Variants in TP63 observed in about 807,000 individuals in gnomAD.
TP63 encodes tumor protein 63.
A neutral mutation model predicts 82.8 loss-of-function variants in TP63; 17 were observed. That is an observed-to-expected ratio of 0.21 (90% CI 0.14 to 0.31). TP63 has a LOEUF of 0.31. Among genes scored for constraint, TP63 ranks in the 10% least tolerant of loss-of-function variants. The pLI, the probability that TP63 is intolerant of heterozygous loss-of-function variation, is 1.00. For synonymous variants in TP63, 330 were observed against 321.7 expected (o/e 1.03, Z -0.28); for missense variants, 648 against 895.3 (o/e 0.72, Z 3.52).
At chr3:189,834,164 C>T (rs1208083086) in intron 4 of TP63, among the ~76,000 whole-genome samples, 2 of 152,110 alleles carry the variant, frequency 1.3e-5, no homozygotes, top group Non-Finnish European at 2.9e-5. Flanking sequence ...CTTGTCTTTG[C>T]CCATGGCCTG....
At position 189,868,158 on chromosome 3, in the gene TP63, T is replaced by C. The variant is rs139128127; in HGVS notation, c.992+216T>C. On this transcript the variant is annotated intron_variant, in intron 7 of 13. Coordinates refer to ENST00000264731, the MANE Select transcript of TP63 (RefSeq NM_003722.5). ...AGAAGGAAAAAAAGAGCTAGAAAAG[T>C]GTGCAAGTCACTTCATACCTGAATT... 4.6e-5 allele frequency among the ~76,000 whole-genome samples: 7 copies of C among 152,332 alleles called. No homozygotes were observed. The East Asian group carries it at 1.4e-3, about 29-fold the overall frequency.
chr3:189,653,852 TA>T (rs1577181815), intron 1 of TP63, among the ~76,000 whole-genome samples: 1 of 152,294 alleles, frequency 6.6e-6, no homozygotes, highest in East Asian at 1.9e-4. Flanking sequence ...TTTATATGTT[TA>T]AGGGATTAAA....
chr3:189,692,863 A>G (rs1290844774), intron 1 of TP63, among the ~76,000 whole-genome samples: 1 of 152,194 alleles, frequency 6.6e-6, no homozygotes, highest in Non-Finnish European at 1.5e-5. Context: ...AGGCAGATCT[A>G]GCATGGATTA....
At chr3:189,869,003 C>T (rs7612620) in intron 8 of TP63, among the ~76,000 whole-genome samples, 1 of 146,486 alleles carries the variant, frequency 6.8e-6, no homozygotes, top group African/African-American at 2.4e-5. Flanking sequence ...AGACACACAC[C>T]AGCAAGATAC....
At chr3:189,864,544 T>A in intron 5 of TP63, 126 bp downstream of exon 5, 1 of 231,158 alleles carries the variant, frequency 4.3e-6, no homozygotes, top group Non-Finnish European at 6.8e-6. Context: ...AGTCTGCCTT[T>A]TTTTTTTTTT....
At chr3:189,608,013 G>C in the TP63 span, among the ~76,000 whole-genome samples, 141,071 of 152,190 alleles carry the variant, frequency 0.93, 66,278 homozygotes, top group East Asian at 1. Context: ...GGGTTCTTAA[G>C]TTGTTTAAGA....
intron 3 of TP63, among the ~76,000 whole-genome samples, chr3:189,777,788 A>C (rs1160794056): frequency 8.5e-6 from 1 of 117,310 alleles, no homozygotes; most frequent in Non-Finnish European, 1.8e-5. Context: ...TATGTCTCCT[A>C]TACTAGATGA....
chr3:189,765,433 C>CTTTTTTTTTTTTTTTTTGTT lies in TP63; in HGVS notation c.324+26676_324+26677insGTTTTTTTTTTTTTTTTTTT, dbSNP rs1722877206. 6.6e-5 allele frequency among the ~76,000 whole-genome samples: 2 copies of CTTTTTTTTTTTTTTTTTGTT among 30,088 alleles called. 1 individual carries two copies. The highest frequency in any genetic ancestry group is 2.5e-4 in the African/African-American group (2 of 8,068). 19.7% of individuals were successfully genotyped at this position (30,088 alleles called of 152,430 possible). On this transcript the variant is annotated intron_variant, in intron 3 of 13. Coordinates refer to ENST00000264731, the MANE Select transcript of TP63 (RefSeq NM_003722.5). ...GGCTTTGTAAATATCCTGTCCTCTG[C>CTTTTTTTTTTTTTTTTTGTT]TTTTTTTTTTTTTTTTTTTTTGAGA...
intron 1 of TP63, among the ~76,000 whole-genome samples, chr3:189,709,656 A>G: frequency 6.6e-6 from 1 of 152,150 alleles, no homozygotes; most frequent in Non-Finnish European, 1.5e-5. Context: ...AAAAATAATA[A>G]TAATAAAAAA....
chr3:189,667,914 G>A (rs9856057), intron 1 of TP63, among the ~76,000 whole-genome samples: 66,632 of 151,494 alleles, frequency 0.44, 16,002 homozygotes, highest in Middle Eastern at 0.69. Flanking sequence ...GTGTGGCCAT[G>A]TTCCACTACA....
At chr3:189,810,236 G>T (rs985935604) in intron 4 of TP63, among the ~76,000 whole-genome samples, 6 of 152,098 alleles carry the variant, frequency 3.9e-5, no homozygotes, top group African/African-American at 1.4e-4. Context: ...CAAATAGTTG[G>T]TTGATTGATC....
intron 1 of TP63, among the ~76,000 whole-genome samples, chr3:189,720,707 C>T (rs1191091250): frequency 7.0e-6 from 1 of 142,052 alleles, no homozygotes; most frequent in African/African-American, 2.6e-5. Flanking sequence ...GCACTCCAGC[C>T]TGGGCAACAA....
intron 4 of TP63, among the ~76,000 whole-genome samples, chr3:189,855,973 G>T (rs1312423524): frequency 6.6e-6 from 1 of 151,792 alleles, no homozygotes; most frequent in Non-Finnish European, 1.5e-5. Context: ...CACATAGAAG[G>T]TTTGAAATAT....
chr3:189,765,713 G>T (rs779424790), intron 3 of TP63, among the ~76,000 whole-genome samples: 23 of 151,802 alleles, frequency 1.5e-4, no homozygotes, highest in Middle Eastern at 6.8e-3. Flanking sequence ...GATTTAAGGC[G>T]TGAGCCACCG....
At chr3:189,665,835 A>G (rs1228121843) in intron 1 of TP63, among the ~76,000 whole-genome samples, 1 of 152,080 alleles carries the variant, frequency 6.6e-6, no homozygotes. Context: ...TAGCACTTCT[A>G]TTTTAAAGGC....
chr3:189,733,120 G>A (rs1720295229), intron 1 of TP63, among the ~76,000 whole-genome samples: 1 of 151,946 alleles, frequency 6.6e-6, no homozygotes, highest in South Asian at 2.1e-4. Context: ...GAAATACAGG[G>A]AAATGACTTT....
chr3:189,605,811 G>A, the TP63 span, among the ~76,000 whole-genome samples: 6 of 152,050 alleles, frequency 3.9e-5, no homozygotes, highest in African/African-American at 1.4e-4. Flanking sequence ...AGCAGTAAGC[G>A]AAGATAAGCA....
At position 189,896,021 on chromosome 3, in the gene TP63, A is replaced by G. The variant is rs1272619257; in HGVS notation, c.*1519A>G. On this transcript the variant is annotated 3_prime_UTR_variant, in exon 14 of 14. Transcript: ENST00000264731. ...TGGCTGCTGTTGCTTAAACCACTTA[A>G]ACGAAGAGTTCCCTTGAAACTTTGG... 4.4e-6 allele frequency: 1 copy of G among 229,084 alleles called. No homozygotes were observed. The highest frequency in any genetic ancestry group is 2.2e-5 in the African/African-American group (1 of 45,100). 14.2% of individuals were successfully genotyped at this position (229,084 alleles called of 1,614,324 possible).
chr3:189,834,256 A>G (rs1447367827), intron 4 of TP63, among the ~76,000 whole-genome samples: 1 of 152,116 alleles, frequency 6.6e-6, no homozygotes, highest in African/African-American at 2.4e-5. Context: ...GGAGTTTGGG[A>G]AAAAAAGTGT....
Sources: gnomAD v4.1 joint callset for allele counts (sites outside exome capture counted in the v4.1 genomes callset) on GRCh38, gnomAD v4.1.1 for gene constraint, MANE v1.5 for transcripts, NCBI Gene and HGNC (gene_info 2026-07-23, HGNC 2026-07-21) for gene names.